SLC18A1: variants seen among roughly 807,000 people sequenced by gnomAD.
The protein encoded by SLC18A1 is chromaffin granule amine transporter.
In SLC18A1, 69 loss-of-function variants were observed where a neutral mutation model predicts 53.7. The ratio of observed to expected loss-of-function variants is 1.28; its 90% CI spans 1.06 to 1.57. SLC18A1 has a LOEUF of 1.57. Among genes scored for constraint, SLC18A1 ranks in the 40% most tolerant of loss-of-function variants. The probability of loss-of-function intolerance (pLI) is 0.00; values close to 1 mark genes in which losing one functional copy is unlikely to be tolerated. For synonymous variants in SLC18A1, 320 were observed against 248.1 expected, an observed-to-expected ratio of 1.29 and a Z score of -2.72; for missense variants, 932 against 668.1, an observed-to-expected ratio of 1.40 and a Z score of -4.35.
At chr8:20,180,665 A>G (rs2072402096) in intron 2 of SLC18A1, among the ~76,000 whole-genome samples, 176 bp downstream of exon 2, 1 of 152,188 alleles carries the variant, frequency 6.6e-6, no homozygotes, top group African/African-American at 2.4e-5. Flanking sequence ...GTGTTTGACA[A>G]GTGTCAGACT....
At chr8:20,147,193 G>C in intron 15 of SLC18A1, 65 bp downstream of exon 15, 1 of 1,528,078 alleles carries the variant, frequency 6.5e-7, no homozygotes, top group Non-Finnish European at 8.8e-7. Context: ...AGGATGAAAG[G>C]GAATGAGAGA....
intron 10 of SLC18A1, among the ~76,000 whole-genome samples, chr8:20,163,004 C>T (rs1410289200): frequency 6.6e-6 from 1 of 152,166 alleles, no homozygotes. Flanking sequence ...CCATTTTCTG[C>T]TGCTATAATA....
At chr8:20,161,402 T>C (rs2071827073) in intron 10 of SLC18A1, among the ~76,000 whole-genome samples, 1 of 151,964 alleles carries the variant, frequency 6.6e-6, no homozygotes, top group Admixed American at 6.6e-5. Context: ...AAAAAGAAAA[T>C]AATACAGTAT....
Position 20,147,731 on chromosome 8 carries a change from A to G in SLC18A1, c.1211-9T>C, listed in dbSNP as rs376927001. ...AGAAGAATCCACCATGCCTGTGGCC[A>G]GAGCAAACAGGACACAGTCAGCCCC... On this transcript the variant is annotated splice_polypyrimidine_tract_variant and intron_variant, in intron 13 of 15. Transcript: ENST00000276373. 8 of 1,611,934 alleles carry G rather than the reference A, an allele frequency of 5.0e-6. No individual in the cohort carries two copies. The African/African-American group carries it at 5.3e-5, about 11-fold the overall frequency.
rs1441545103 is a variant in SLC18A1 at position 20,164,860 on chromosome 8, G to A, written c.1015+9C>T. On this transcript the variant is annotated intron_variant, in intron 10 of 15. Coordinates refer to ENST00000276373, the MANE Select transcript of SLC18A1 (RefSeq NM_003053.4). ...CCAGGCCCTGAGCGGGGGTGCTGAG[G>A]TCACTTACCCAGCTGCCACTTGGGG... 6.2e-7 allele frequency: 1 copy of A among 1,600,790 alleles called. No individual in the cohort carries two copies.
rs115633459 is a variant in SLC18A1, at chr8:20,163,491, A to G, written c.1015+1378T>C. 6.9e-3 allele frequency among the ~76,000 whole-genome samples: 1,050 copies of G among 152,226 alleles called. 15 individuals are homozygous for G. The highest frequency in any genetic ancestry group is 0.024 in the African/African-American group (1,004 of 41,528). ...TTTCCTCCCCTTGGTGATGCTACCT[A>G]GTATATGGTGGGCCACATAGCAAGC... is the stretch of plus-strand genomic sequence containing the variant. On this transcript the variant is annotated intron_variant, in intron 10 of 15. Coordinates refer to ENST00000276373, the MANE Select transcript of SLC18A1 (RefSeq NM_003053.4).
chr8:20,147,116 G>T, intron 15 of SLC18A1, 142 bp downstream of exon 15: 1 of 830,560 alleles, frequency 1.2e-6, no homozygotes, highest in Non-Finnish European at 1.8e-6. Flanking sequence ...AAGATGAAAG[G>T]GGATTGGGAA....
At chr8:20,177,074 C>A (rs931449101) in intron 4 of SLC18A1, among the ~76,000 whole-genome samples, 9 of 152,160 alleles carry the variant, frequency 5.9e-5, no homozygotes, top group Admixed American at 1.3e-4. Flanking sequence ...AAATCTTAAG[C>A]CTCATTTGAT....
intron 15 of SLC18A1, 30 bp from the exon 16 acceptor site, chr8:20,145,906 T>C (rs2071384445): frequency 5.3e-6 from 7 of 1,327,522 alleles, no homozygotes; most frequent in African/African-American, 1.5e-5. Flanking sequence ...GAGAAGCCAC[T>C]GCACATTATT....
chr8:20,160,104 T>C (rs555748681), intron 10 of SLC18A1, among the ~76,000 whole-genome samples: 1 of 152,076 alleles, frequency 6.6e-6, no homozygotes, highest in Non-Finnish European at 1.5e-5. Flanking sequence ...ACAACTTGTT[T>C]GCTTTTAATA....
Position 20,179,486 on chromosome 8 carries a change from T to C in SLC18A1, c.125-2A>G. On this transcript the variant is annotated splice_acceptor_variant, in intron 2 of 15. Coordinates refer to ENST00000276373, the MANE Select transcript of SLC18A1 (RefSeq NM_003053.4). LOFTEE classifies it high-confidence loss of function. ...ATAGGAAGGTGGGCACAATTGGCAC[T>C]GAAAGTCAAAGAGGACAGGTGATGG... is the stretch of plus-strand genomic sequence containing the variant. 6.2e-7 allele frequency: 1 copy of C among 1,606,050 alleles called. No homozygotes were observed. The highest frequency in any genetic ancestry group is 8.5e-7 in the Non-Finnish European group (1 of 1,175,500).
rs1380877553 is a variant in SLC18A1, at chr8:20,174,541, T to G, written c.548-97A>C. 5.3e-6 allele frequency: 4 copies of G among 753,202 alleles called. No homozygotes were observed. In the Admixed American group the frequency reaches 8.0e-5, roughly 15 times the overall value. 46.7% of individuals were successfully genotyped at this position (753,202 alleles called of 1,614,324 possible). A position where few individuals can be genotyped will look rare whatever the true frequency, so the allele number is the denominator to read the frequency against. ...GCCCGTGATACTGCAGATATGAGTC[T>G]TGATGCATATGTTTTTAATAAAGCA... On this transcript the variant is annotated intron_variant, in intron 4 of 15. Transcript: ENST00000276373.
In SLC18A1 at chr8:20,147,657, ACACCGAGGTGTGGCGTAGATC is replaced by A. The variant is rs1255527800; in HGVS notation, c.1255_1275del (p.Asp419_Val425del). ...TCAGCGATGGCGTAGACACTCCCAT[ACACCGAGGTGTGGCGTAGATC>A]CACCAGGTGCCCCATGATGGGCATC... is the stretch of plus-strand genomic sequence containing the variant. On this transcript the variant is annotated inframe_deletion, in exon 14 of 16. Coordinates refer to ENST00000276373, the MANE Select transcript of SLC18A1 (RefSeq NM_003053.4). The A allele has an allele frequency of 1.9e-6, 3 of 1,613,940 alleles. No individual in the cohort carries two copies. Among genetic ancestry groups the A allele is most frequent in the African/African-American group, 2.7e-5 (2 of 74,910 alleles).
At chr8:20,181,220 G>A (rs960816396) in intron 1 of SLC18A1, 133 bp from the exon 2 acceptor site, 8 of 325,014 alleles carry the variant, frequency 2.5e-5, no homozygotes, top group Middle Eastern at 8.7e-4. Flanking sequence ...TTCCTGGTAA[G>A]CATCGCTTAC....
chr8:20,165,548 G>A (rs1237060946), intron 8 of SLC18A1, among the ~76,000 whole-genome samples: 1 of 152,134 alleles, frequency 6.6e-6, no homozygotes, highest in Non-Finnish European at 1.5e-5. Flanking sequence ...AACTCAGAAA[G>A]CCTCTCAAGC....
chr8:20,179,680 G>T (rs139729397), intron 2 of SLC18A1, among the ~76,000 whole-genome samples, 196 bp from the exon 3 acceptor site: 83 of 152,322 alleles, frequency 5.4e-4, no homozygotes, highest in African/African-American at 2.0e-3. Context: ...CCCAAGGCTG[G>T]TATCTGGAGT....
chr8:20,159,634 CAAAAAAAAAA>C (rs200123466), intron 10 of SLC18A1, among the ~76,000 whole-genome samples: 20 of 81,534 alleles, frequency 2.5e-4, no homozygotes, highest in African/African-American at 3.2e-4. Flanking sequence ...TTGCAGCTGC[CAAAAAAAAAA>C]AAAAAAAAAA....
At chr8:20,181,781 G>A (rs953157947) in intron 1 of SLC18A1, 8 of 152,010 alleles carry the variant, frequency 5.3e-5, no homozygotes, top group Admixed American at 5.2e-4. Flanking sequence ...CCGAGCCTCT[G>A]AAGGTTAGGA....
chr8:20,153,228 C>T (rs530517318), intron 10 of SLC18A1, among the ~76,000 whole-genome samples: 79 of 150,672 alleles, frequency 5.2e-4, no homozygotes, highest in African/African-American at 1.8e-3. Context: ...GTTTTTTTTG[C>T]AGCCCCATGC....
Sources: gnomAD v4.1 joint callset for allele counts (sites outside exome capture counted in the v4.1 genomes callset) on GRCh38, gnomAD v4.1.1 for gene constraint, MANE v1.5 for transcripts, NCBI Gene and HGNC (gene_info 2026-07-23, HGNC 2026-07-21) for gene names.